RRAGD: variants seen among roughly 807,000 people sequenced by gnomAD.
RRAGD encodes ras-related GTP-binding protein D.
A neutral mutation model predicts 35.5 loss-of-function variants in RRAGD; 12 were observed. The observed-to-expected ratio is 0.34, with a 90% CI of 0.22 to 0.55. RRAGD has a LOEUF of 0.55. Ranked by LOEUF, RRAGD falls within the 20% of genes least tolerant of loss-of-function variation. RRAGD has a pLI of 0.91. For missense variants in RRAGD, 324 were observed against 490.1 expected (o/e 0.66, Z 3.20); for synonymous variants, 155 against 178.9 (o/e 0.87, Z 1.07).
intron 5 of RRAGD, 33 bp from the exon 6 acceptor site, chr6:89,372,618 A>G (rs774333458): frequency 1.3e-6 from 2 of 1,509,034 alleles, no homozygotes; most frequent in Non-Finnish European, 1.8e-6. Context: ...ACATGTGACC[A>G]TTGAGAAAGA....
chr6:89,378,766 T>A (rs1450976197), intron 4 of RRAGD, among the ~76,000 whole-genome samples: 1 of 152,218 alleles, frequency 6.6e-6, no homozygotes, highest in Non-Finnish European at 1.5e-5. Context: ...GTAGTTATAT[T>A]TTATTTTTAG....
At chr6:89,384,919 T>C (rs1379713160) in intron 2 of RRAGD, among the ~76,000 whole-genome samples, 1 of 151,872 alleles carries the variant, frequency 6.6e-6, no homozygotes, top group Non-Finnish European at 1.5e-5. Flanking sequence ...CCAAGGATAG[T>C]AGCATGCATC....
intron 1 of RRAGD, among the ~76,000 whole-genome samples, chr6:89,406,887 T>A (rs1225038089): frequency 6.6e-6 from 1 of 152,198 alleles, no homozygotes; most frequent in African/African-American, 2.4e-5. Context: ...CTTGCCTGTC[T>A]GTGTGCTCCC....
At chr6:89,380,901 G>A (rs1444233076) in intron 2 of RRAGD, among the ~76,000 whole-genome samples, 1 of 123,210 alleles carries the variant, frequency 8.1e-6, no homozygotes. Flanking sequence ...AGTAAGACTC[G>A]GTCACAAAAA....
At chr6:89,369,231 G>C (rs538851446) in intron 6 of RRAGD, among the ~76,000 whole-genome samples, 221 of 152,222 alleles carry the variant, frequency 1.5e-3, no homozygotes, top group Non-Finnish European at 2.1e-3. Flanking sequence ...GTAAAACCAG[G>C]AGTCAATTTC....
chr6:89,364,653 A>T lies in RRAGD; in HGVS notation c.*3403T>A, dbSNP rs1768706624. 1 of 152,240 alleles carries T rather than the reference A, an allele frequency of 6.6e-6. No individual in the cohort carries two copies. The highest frequency in any genetic ancestry group is 1.5e-5 in the Non-Finnish European group (1 of 68,050). 9.4% of individuals were successfully genotyped at this position (152,240 alleles called of 1,614,324 possible). A position where few individuals can be genotyped will look rare whatever the true frequency, so the allele number is the denominator to read the frequency against. ...GCATAAATTAAATTTAAGTAGTGAG[A>T]TTTATCATCATTTCCATAAAATGAG... On this transcript the variant is annotated 3_prime_UTR_variant, in exon 7 of 7. Transcript: ENST00000369415.
At position 89,368,166 on chromosome 6, in the gene RRAGD, G is replaced by A; in HGVS notation, c.1093C>T (p.His365Tyr). The A allele has an allele frequency of 6.2e-7, 1 of 1,613,916 alleles. No individual in the cohort carries two copies. Among genetic ancestry groups the A allele is most frequent in the Non-Finnish European group, 8.5e-7 (1 of 1,179,894 alleles). The stretch of plus-strand genomic sequence containing the variant: ...TTCATTCTCACCTCAAAAACTTCAT[G>A]AATGGCCTTCCGGAAGCAATGAAAA... ...YNFHCFRKAIHEVFEVRMKVV... is the reference protein window; with the variant it reads ...YNFHCFRKAIYEVFEVRMKVV... Residue 365 changes from histidine to tyrosine, a missense_variant, in exon 7 of 7, where the codon CAT becomes TAT. Transcript: ENST00000369415.
At chr6:89,405,876 C>G (rs915039118) in intron 1 of RRAGD, among the ~76,000 whole-genome samples, 1 of 152,100 alleles carries the variant, frequency 6.6e-6, no homozygotes, top group East Asian at 1.9e-4. Flanking sequence ...ATTCAAGACC[C>G]AGGAGTTCAA....
At chr6:89,380,053 C>T (rs1769015098) in intron 3 of RRAGD, 115 bp downstream of exon 3, 8 of 847,564 alleles carry the variant, frequency 9.4e-6, no homozygotes, top group Non-Finnish European at 1.6e-5. Flanking sequence ...CAGCATGAAA[C>T]AGGGTAAAAA....
Position 89,380,294 on chromosome 6 carries a change from T to C in RRAGD, c.518A>G (p.Asn173Ser). ...CACTTTATGAATAAACACCTCGAAG[T>C]TGATGTCAGTATTCACTTTGTAGGC... The part of the protein sequence containing the change: ...TRAYKVNTDI[N>S]FEVFIHKVDG... The change falls in exon 3 of 7, where the codon AAC becomes AGC. Residue 173 changes from asparagine to serine, a missense_variant. Asn to Ser is a conservative substitution (Grantham distance 46). Transcript: ENST00000369415. 2 of 1,614,250 alleles carry C rather than the reference T, an allele frequency of 1.2e-6. No homozygotes were observed. The highest frequency in any genetic ancestry group is 1.7e-6 in the Non-Finnish European group (2 of 1,180,038).
intron 1 of RRAGD, among the ~76,000 whole-genome samples, chr6:89,392,753 T>C (rs981668980): frequency 2.0e-5 from 3 of 152,200 alleles, no homozygotes; most frequent in African/African-American, 7.2e-5. Flanking sequence ...GAATTTGCAA[T>C]AGGTGTAGGC....
chr6:89,398,752 C>T (rs1362539484), intron 1 of RRAGD, among the ~76,000 whole-genome samples: 1 of 152,200 alleles, frequency 6.6e-6, no homozygotes, highest in Non-Finnish European at 1.5e-5. Context: ...TATTATTATC[C>T]CCATTTCACA....
At position 89,366,915 on chromosome 6, in the gene RRAGD, A is replaced by C. The variant is rs3734194; in HGVS notation, c.*1141T>G. The C allele has an allele frequency of 6.6e-6, 1 of 152,116 alleles. No individual in the cohort carries two copies. The highest frequency in any genetic ancestry group is 6.5e-5 in the Admixed American group (1 of 15,272). The allele number at this position is 152,116 out of a possible 1,614,324, so 9.4% of individuals were successfully genotyped here. A position where few individuals can be genotyped will look rare whatever the true frequency, so the allele number is the denominator to read the frequency against. ...GTGGCAGGCTGAGCTTGGCTTAATC[A>C]TAAGGTGGGAACAAGTGGAGTACAT... On this transcript the variant is annotated 3_prime_UTR_variant, in exon 7 of 7. Coordinates refer to ENST00000369415, the MANE Select transcript of RRAGD (RefSeq NM_021244.5).
intron 1 of RRAGD, among the ~76,000 whole-genome samples, chr6:89,387,936 C>T (rs1451552784): frequency 6.6e-5 from 10 of 152,066 alleles, no homozygotes; most frequent in Non-Finnish European, 1.5e-4. Context: ...AGATTTATTT[C>T]CTGGAGCAGA....
intron 1 of RRAGD, among the ~76,000 whole-genome samples, chr6:89,406,284 C>T (rs1037864374): frequency 6.6e-5 from 10 of 152,096 alleles, no homozygotes; most frequent in Admixed American, 5.2e-4. Context: ...TGGTCCCTGG[C>T]TAGGGCTGCA....
chr6:89,380,444 A>G (rs1769022387), intron 2 of RRAGD, 77 bp from the exon 3 acceptor site: 9 of 1,278,830 alleles, frequency 7.0e-6, no homozygotes, highest in East Asian at 4.9e-5. Context: ...TCACCTGGAA[A>G]CCATGTGGCT....
rs567981939 is a variant in RRAGD, at chr6:89,382,865, G to C, written c.445-2498C>G. Among the ~76,000 whole-genome samples, 11 of 151,774 alleles carry C rather than the reference G, an allele frequency of 7.2e-5. No homozygotes were observed. In the South Asian group the frequency reaches 1.5e-3, roughly 20 times the overall value. ...CACTCCAGCCTGGGCAACAGAGCAAGACTCCATCTCAAAAAAAATAAAAAA... is the reference window on the plus strand; with the variant it reads ...CACTCCAGCCTGGGCAACAGAGCAACACTCCATCTCAAAAAAAATAAAAAA... On this transcript the variant is annotated intron_variant, in intron 2 of 6. Transcript: ENST00000369415.
chr6:89,384,370 G>T (rs1769102570), intron 2 of RRAGD, among the ~76,000 whole-genome samples: 1 of 151,942 alleles, frequency 6.6e-6, no homozygotes, highest in Non-Finnish European at 1.5e-5. Context: ...TCGAGATAAG[G>T]TCTTGCTCTG....
At chr6:89,408,591 T>C (rs1240148610) in intron 1 of RRAGD, among the ~76,000 whole-genome samples, 2 of 152,174 alleles carry the variant, frequency 1.3e-5, no homozygotes, top group African/African-American at 4.8e-5. Flanking sequence ...GGATCTTTCA[T>C]GCCTCCAGAA....
Sources: gnomAD v4.1 joint callset for allele counts (sites outside exome capture counted in the v4.1 genomes callset) on GRCh38, gnomAD v4.1.1 for gene constraint, MANE v1.5 for transcripts, NCBI Gene and HGNC (gene_info 2026-07-23, HGNC 2026-07-21) for gene names.